Variants in PDK1 observed in about 807,000 individuals in gnomAD.
The protein encoded by PDK1 is [Pyruvate dehydrogenase (acetyl-transferring)] kinase isozyme 1, mitochondrial.
A neutral mutation model predicts 54.2 loss-of-function variants in PDK1; 39 were observed. That is an observed-to-expected ratio of 0.72 (90% CI 0.56 to 0.94). The LOEUF (loss-of-function observed/expected upper bound fraction) is 0.94. Ranked by LOEUF, PDK1 falls within the 40% of genes least tolerant of loss-of-function variation. PDK1 has a pLI of 0.00. For synonymous variants in PDK1, 221 were observed against 207.1 expected (o/e 1.07, Z -0.58); for missense variants, 552 against 566.0 (o/e 0.98, Z 0.25).
the PDK1 span, among the ~76,000 whole-genome samples, chr2:172,682,920 CA>C: frequency 1.3e-5 from 2 of 152,202 alleles, no homozygotes; most frequent in South Asian, 4.1e-4. Flanking sequence ...CATAGACTTT[CA>C]TGACAAAAAA....
At chr2:172,698,244 GCT>G in the PDK1 span, among the ~76,000 whole-genome samples, 1 of 152,090 alleles carries the variant, frequency 6.6e-6, no homozygotes, top group Admixed American at 6.5e-5. Context: ...TAATTTTCAT[GCT>G]CTCTAGACTT....
chr2:172,651,414 A>G, the PDK1 span, among the ~76,000 whole-genome samples: 2 of 152,236 alleles, frequency 1.3e-5, no homozygotes, highest in African/African-American at 4.8e-5. Context: ...AATTAAAAGA[A>G]CTAGAGAAGC....
chr2:172,587,905 G>C (rs763213932), intron 9 of PDK1, among the ~76,000 whole-genome samples: 1 of 152,148 alleles, frequency 6.6e-6, no homozygotes, highest in Admixed American at 6.5e-5. Flanking sequence ...GACGAAGAGC[G>C]CCAATTGGTG....
chr2:172,716,649 A>G, the PDK1 span, among the ~76,000 whole-genome samples: 1 of 152,224 alleles, frequency 6.6e-6, no homozygotes, highest in East Asian at 1.9e-4. Flanking sequence ...TTTCTGGCTT[A>G]ATAAATAATT....
At chr2:172,718,541 A>G in the PDK1 span, among the ~76,000 whole-genome samples, 903 of 152,328 alleles carry the variant, frequency 5.9e-3, 3 homozygotes, top group African/African-American at 0.02. Flanking sequence ...TTTGTCTTTG[A>G]TGTTAAATAC....
In PDK1 at chr2:172,586,313, A is replaced by G; in HGVS notation, c.981A>G (p.Lys327=). The G allele has an allele frequency of 1.2e-6, 2 of 1,613,506 alleles. No individual in the cohort carries two copies. Among genetic ancestry groups the G allele is most frequent in the Non-Finnish European group, 1.7e-6 (2 of 1,179,540 alleles). The part of the protein sequence containing the change: ...SDRGGGVPLR[K]IDRLFNYMYS... ...GAGGAGGTGGCGTTCCTTTGAGGAA[A>G]ATTGACAGACTTTTCAACTACATGT... The change falls in exon 9 of 11, where the codon AAA becomes AAG. Residue 327 remains lysine, a synonymous_variant. Coordinates refer to ENST00000282077, the MANE Select transcript of PDK1 (RefSeq NM_002610.5).
intron 7 of PDK1, among the ~76,000 whole-genome samples, chr2:172,569,397 A>T (rs1689129617): frequency 6.6e-6 from 1 of 152,118 alleles, no homozygotes; most frequent in African/African-American, 2.4e-5. Context: ...TTATGCTACT[A>T]ATATTGAGAG....
chr2:172,591,089 G>A (rs1192429898), intron 9 of PDK1, among the ~76,000 whole-genome samples: 4 of 152,182 alleles, frequency 2.6e-5, no homozygotes, highest in African/African-American at 9.7e-5. Flanking sequence ...AGGGGTCCTT[G>A]ATAGAAGTTG....
At chr2:172,667,928 C>A in the PDK1 span, among the ~76,000 whole-genome samples, 1 of 152,226 alleles carries the variant, frequency 6.6e-6, no homozygotes, top group African/African-American at 2.4e-5. Flanking sequence ...CTTCCAAATG[C>A]ATTGTTATCC....
chr2:172,658,373 T>C, the PDK1 span, among the ~76,000 whole-genome samples: 1 of 152,248 alleles, frequency 6.6e-6, no homozygotes, highest in Non-Finnish European at 1.5e-5. Context: ...AATCCTGTTA[T>C]CTTCGTAAGC....
the PDK1 span, among the ~76,000 whole-genome samples, chr2:172,662,268 G>A: frequency 6.6e-6 from 1 of 152,022 alleles, no homozygotes; most frequent in African/African-American, 2.4e-5. Context: ...CTGTCAGGAG[G>A]CCACAATTCA....
At chr2:172,635,183 G>T in the PDK1 span, among the ~76,000 whole-genome samples, 1 of 152,098 alleles carries the variant, frequency 6.6e-6, no homozygotes, top group South Asian at 2.1e-4. Flanking sequence ...GGATTTACAT[G>T]ACTGCATATT....
chr2:172,586,043 C>G (rs1469238685), intron 8 of PDK1, among the ~76,000 whole-genome samples: 1 of 151,646 alleles, frequency 6.6e-6, no homozygotes, highest in Non-Finnish European at 1.5e-5. Flanking sequence ...CCTGTAGTCC[C>G]AGTTACTCGG....
Position 172,595,998 on chromosome 2 carries a change from T to G in PDK1, c.*29T>G. On this transcript the variant is annotated 3_prime_UTR_variant, in exon 11 of 11. Coordinates refer to ENST00000282077, the MANE Select transcript of PDK1 (RefSeq NM_002610.5). The stretch of plus-strand genomic sequence containing the variant: ...CACTTGGGACATCGGAAAATCCAAA[T>G]GTGGCTTTTGTATTAAATTTGGAAG... The G allele has an allele frequency of 1.3e-6, 2 of 1,575,782 alleles. No homozygotes were observed. The highest frequency in any genetic ancestry group is 8.6e-7 in the Non-Finnish European group (1 of 1,156,406).
chr2:172,702,980 C>G, the PDK1 span, among the ~76,000 whole-genome samples: 1 of 151,424 alleles, frequency 6.6e-6, no homozygotes, highest in Non-Finnish European at 1.5e-5. Context: ...TAAATGTTAC[C>G]TTATAAGGAA....
At chr2:172,641,163 T>C in the PDK1 span, among the ~76,000 whole-genome samples, 1 of 145,146 alleles carries the variant, frequency 6.9e-6, no homozygotes, top group East Asian at 2.3e-4. Flanking sequence ...ACAGTCTTGC[T>C]CTGTTTCCCA....
the PDK1 span, among the ~76,000 whole-genome samples, chr2:172,653,599 A>G: frequency 0.019 from 2,606 of 133,910 alleles, 73 homozygotes; most frequent in African/African-American, 0.077. Context: ...GCGAGACTCC[A>G]TCTCAAAAAA....
intron 9 of PDK1, among the ~76,000 whole-genome samples, chr2:172,586,967 G>T (rs1396794143): frequency 6.6e-6 from 1 of 152,124 alleles, no homozygotes; most frequent in East Asian, 1.9e-4. Context: ...CCCACAAAAA[G>T]TATGTTGCCA....
chr2:172,691,644 T>A, the PDK1 span, among the ~76,000 whole-genome samples: 1 of 152,368 alleles, frequency 6.6e-6, no homozygotes, highest in East Asian at 1.9e-4. Context: ...TTGCAGAATG[T>A]CATATAGTTG....
Sources: allele counts gnomAD v4.1 joint callset (sites outside exome capture counted in the v4.1 genomes callset), GRCh38; gene constraint gnomAD v4.1.1; transcripts MANE v1.5; gene names NCBI Gene and HGNC (gene_info 2026-07-23, HGNC 2026-07-21).